B4GALT5: variants seen among roughly 807,000 people sequenced by gnomAD.
The protein encoded by B4GALT5 is beta-1,4-galactosyltransferase 5, also known as UDP-Gal:beta-GlcNAc beta-1,4-galactosyltransferase 5.
Under a neutral mutation model 45.0 loss-of-function variants are expected in B4GALT5, and 11 were observed. That is an observed-to-expected ratio of 0.24 (90% CI 0.15 to 0.40). The LOEUF is 0.40. Among genes scored for constraint, B4GALT5 ranks in the 10% least tolerant of loss-of-function variants. The pLI, the probability that B4GALT5 is intolerant of heterozygous loss-of-function variation, is 1.00. For synonymous variants in B4GALT5, 185 were observed against 182.9 expected (o/e 1.01, Z -0.09); for missense variants, 337 against 500.2 (o/e 0.67, Z 3.11).
At chr20:49,703,462 G>A (rs919715141) in intron 1 of B4GALT5, among the ~76,000 whole-genome samples, 9 of 152,070 alleles carry the variant, frequency 5.9e-5, no homozygotes, top group Admixed American at 1.3e-4. Flanking sequence ...TACATACAAC[G>A]TGCTGGGCAC....
At chr20:49,709,538 G>T (rs1327153514) in intron 1 of B4GALT5, among the ~76,000 whole-genome samples, 1 of 152,182 alleles carries the variant, frequency 6.6e-6, no homozygotes, top group Non-Finnish European at 1.5e-5. Context: ...TTGGGAGACT[G>T]AGGTGGGTGG....
intron 1 of B4GALT5, among the ~76,000 whole-genome samples, chr20:49,706,207 A>AT: frequency 6.6e-6 from 1 of 151,498 alleles, no homozygotes. Flanking sequence ...CAAAAAAAAA[A>AT]AAAAAATCAT....
chr20:49,696,046 A>T (rs1655626344), intron 1 of B4GALT5, among the ~76,000 whole-genome samples: 1 of 152,214 alleles, frequency 6.6e-6, no homozygotes, highest in Non-Finnish European at 1.5e-5. Flanking sequence ...ACGCTGTGTC[A>T]CACAGCTGTG....
At chr20:49,643,438 T>A in intron 4 of B4GALT5, 88 bp downstream of exon 4, 2 of 1,510,202 alleles carry the variant, frequency 1.3e-6, no homozygotes, top group Non-Finnish European at 1.8e-6. Context: ...TGACAAAATG[T>A]CATGGTTAGC....
intron 1 of B4GALT5, among the ~76,000 whole-genome samples, chr20:49,682,779 A>G (rs1388627726): frequency 6.6e-6 from 1 of 152,166 alleles, no homozygotes; most frequent in Non-Finnish European, 1.5e-5. Flanking sequence ...ATTATTAGTG[A>G]GCCTAAGGCA....
intron 1 of B4GALT5, among the ~76,000 whole-genome samples, chr20:49,660,783 C>A (rs1206789365): frequency 6.6e-6 from 1 of 152,066 alleles, no homozygotes; most frequent in African/African-American, 2.4e-5. Flanking sequence ...GCCAGGAGTT[C>A]AAGACCAGCT....
chr20:49,654,691 T>A (rs1442086229), intron 2 of B4GALT5, among the ~76,000 whole-genome samples: 5 of 152,202 alleles, frequency 3.3e-5, no homozygotes, highest in African/African-American at 1.2e-4. Flanking sequence ...CAATTTCACA[T>A]TCGACAGTGA....
chr20:49,637,597 T>G (rs1251495662), intron 7 of B4GALT5, among the ~76,000 whole-genome samples, 155 bp from the exon 8 acceptor site: 1 of 152,166 alleles, frequency 6.6e-6, no homozygotes, highest in Non-Finnish European at 1.5e-5. Flanking sequence ...TCTTAAAAAC[T>G]GAGTTAAAAC....
chr20:49,677,114 A>C (rs1195612726), intron 1 of B4GALT5, among the ~76,000 whole-genome samples: 2 of 152,090 alleles, frequency 1.3e-5, no homozygotes, highest in African/African-American at 4.8e-5. Flanking sequence ...AGGGTATTAG[A>C]GAAGGTACAA....
intron 3 of B4GALT5, among the ~76,000 whole-genome samples, chr20:49,644,481 C>G (rs1443755191): frequency 6.6e-6 from 1 of 152,226 alleles, no homozygotes; most frequent in Non-Finnish European, 1.5e-5. Flanking sequence ...CTACCTCTCT[C>G]AATCCATTCA....
Position 49,636,103 on chromosome 20 carries a change from TC to T in B4GALT5, c.*208del. The T allele has an allele frequency of 1.6e-6, 1 of 608,542 alleles. No homozygotes were observed. The highest frequency in any genetic ancestry group is 2.8e-6 in the Non-Finnish European group (1 of 353,062). The allele number at this position is 608,542 out of a possible 1,614,324, so 37.7% of individuals were successfully genotyped here. ...AGAAAGCCAGTGCTGACGAAGGAAG[TC>T]CCCAAGCTCACTCCCTCAGTTCCAG... On this transcript the variant is annotated 3_prime_UTR_variant, in exon 9 of 9. Transcript: ENST00000371711.
chr20:49,641,692 A>G (rs909575619), intron 5 of B4GALT5, among the ~76,000 whole-genome samples: 1 of 152,194 alleles, frequency 6.6e-6, no homozygotes, highest in African/African-American at 2.4e-5. Context: ...GAGACTCAAA[A>G]GTGTGCCCAT....
chr20:49,676,669 A>G (rs1441276248), intron 1 of B4GALT5, among the ~76,000 whole-genome samples: 1 of 152,222 alleles, frequency 6.6e-6, no homozygotes, highest in Non-Finnish European at 1.5e-5. Flanking sequence ...CTAGGACTAG[A>G]GCAGATGCGT....
At chr20:49,709,921 G>A (rs1270743597) in intron 1 of B4GALT5, among the ~76,000 whole-genome samples, 1 of 152,104 alleles carries the variant, frequency 6.6e-6, no homozygotes, top group East Asian at 1.9e-4. Flanking sequence ...AATTTTCTAT[G>A]TGAGATGGTA....
At chr20:49,674,616 G>A (rs554753260) in intron 1 of B4GALT5, among the ~76,000 whole-genome samples, 5 of 151,638 alleles carry the variant, frequency 3.3e-5, no homozygotes, top group Non-Finnish European at 7.4e-5. Flanking sequence ...AGACCGAGGT[G>A]GGAGGATCAC....
intron 1 of B4GALT5, among the ~76,000 whole-genome samples, chr20:49,680,752 C>G (rs1350644094): frequency 6.6e-6 from 1 of 151,640 alleles, no homozygotes. Flanking sequence ...GTACTTAACG[C>G]CACTAAATTG....
chr20:49,705,480 C>T (rs778107912), intron 1 of B4GALT5, among the ~76,000 whole-genome samples: 1 of 152,144 alleles, frequency 6.6e-6, no homozygotes, highest in Non-Finnish European at 1.5e-5. Flanking sequence ...AGTTCCCAGG[C>T]TAATGTCCGA....
chr20:49,660,433 T>C (rs935515779), intron 1 of B4GALT5, among the ~76,000 whole-genome samples: 3 of 152,240 alleles, frequency 2.0e-5, no homozygotes, highest in African/African-American at 7.2e-5. Context: ...AGAACTTACT[T>C]TGGGAAATTC....
chr20:49,697,754 A>G (rs1357659587), intron 1 of B4GALT5, among the ~76,000 whole-genome samples: 1 of 152,142 alleles, frequency 6.6e-6, no homozygotes, highest in Non-Finnish European at 1.5e-5. Context: ...TTTCACCTTT[A>G]TATTTTTCAT....
Sources: gnomAD v4.1 joint callset for allele counts (sites outside exome capture counted in the v4.1 genomes callset) on GRCh38, gnomAD v4.1.1 for gene constraint, MANE v1.5 for transcripts, NCBI Gene and HGNC (gene_info 2026-07-23, HGNC 2026-07-21) for gene names.